The following SGCZ variants were observed in gnomAD, a reference collection of about 807,000 sequenced individuals.
SGCZ encodes zeta-sarcoglycan.
A neutral mutation model predicts 41.3 loss-of-function variants in SGCZ; 40 were observed. That is an observed-to-expected ratio of 0.97 (90% CI 0.75 to 1.26). The LOEUF (loss-of-function observed/expected upper bound fraction) is 1.26, where lower values mean the gene tolerates loss of function less well. Among genes scored for constraint, SGCZ ranks in the 50% most tolerant of loss-of-function variants. The pLI is 0.00. For missense variants in SGCZ, 552 were observed against 369.8 expected (o/e 1.49, Z -4.04); for synonymous variants, 206 against 137.5 (o/e 1.50, Z -3.49).
At chr8:14,953,859 T>C (rs1268629314) in intron 1 of SGCZ, among the ~76,000 whole-genome samples, 2 of 152,208 alleles carry the variant, frequency 1.3e-5, no homozygotes, top group Non-Finnish European at 2.9e-5. Context: ...ATAATTCTTG[T>C]AAACACTCAA....
At chr8:14,916,553 A>G (rs917599468) in intron 1 of SGCZ, among the ~76,000 whole-genome samples, 2 of 152,242 alleles carry the variant, frequency 1.3e-5, no homozygotes, top group African/African-American at 4.8e-5. Flanking sequence ...GCAGTACTCA[A>G]TTGTGAATGA....
At chr8:14,295,273 C>T (rs140445646) in intron 3 of SGCZ, among the ~76,000 whole-genome samples, 1 of 152,274 alleles carries the variant, frequency 6.6e-6, no homozygotes, top group Non-Finnish European at 1.5e-5. Flanking sequence ...AACAAGATTA[C>T]TGATGAATGC....
intron 2 of SGCZ, among the ~76,000 whole-genome samples, chr8:14,405,638 T>A (rs1240539913): frequency 6.6e-6 from 1 of 152,226 alleles, no homozygotes; most frequent in African/African-American, 2.4e-5. Context: ...GATGGAAATG[T>A]TGAAATAATT....
rs142023086 is a variant in SGCZ at position 14,815,798 on chromosome 8, G to A, written c.40-260872C>T. ...CTGATAATATGTGATGTTATCTGTG[G>A]TATTATGGAATAAAACTGATGTTAT... is the stretch of plus-strand genomic sequence containing the variant. On this transcript the variant is annotated intron_variant, in intron 1 of 7. Transcript: ENST00000382080. 3.1e-4 allele frequency among the ~76,000 whole-genome samples: 47 copies of A among 152,262 alleles called. 1 individual carries two copies. The East Asian group carries it at 7.9e-3, about 26-fold the overall frequency.
chr8:14,476,200 T>C (rs1171993602), intron 2 of SGCZ, among the ~76,000 whole-genome samples: 1 of 152,142 alleles, frequency 6.6e-6, no homozygotes, highest in African/African-American at 2.4e-5. Context: ...TATTAGCATT[T>C]GAATCTGTAG....
intron 1 of SGCZ, among the ~76,000 whole-genome samples, chr8:14,624,202 G>A (rs962823225): frequency 6.6e-6 from 1 of 152,086 alleles, no homozygotes; most frequent in African/African-American, 2.4e-5. Context: ...TTCATTAATA[G>A]CTTATCATAT....
Position 14,108,270 on chromosome 8 carries a change from C to T in SGCZ, c.548-35G>A, listed in dbSNP as rs142257579. On this transcript the variant is annotated intron_variant, in intron 5 of 7. Transcript: ENST00000382080. ...GCATGAATATAGCAGTCAGTATAAG[C>T]AAGTCCACACAGTGGCTTTCATCTC... The T allele has an allele frequency of 3.4e-5, 54 of 1,580,726 alleles. No homozygotes were observed. In the African/African-American group the frequency reaches 6.7e-4, roughly 20 times the overall value.
chr8:14,822,257 A>T (rs1242334660), intron 1 of SGCZ, among the ~76,000 whole-genome samples: 1 of 152,182 alleles, frequency 6.6e-6, no homozygotes, highest in Non-Finnish European at 1.5e-5. Flanking sequence ...AAAAAAAATG[A>T]TAGCTAAGAA....
Position 14,860,750 on chromosome 8 carries a change from G to GAAAGAAAGAA in SGCZ, c.40-305825_40-305824insTTCTTTCTTT, listed in dbSNP as rs1563321436. 2.7e-5 allele frequency among the ~76,000 whole-genome samples: 4 copies of GAAAGAAAGAA among 150,130 alleles called. 1 individual carries two copies. Among genetic ancestry groups the GAAAGAAAGAA allele is most frequent in the African/African-American group, 9.8e-5 (4 of 40,856 alleles). ...AGAAAGAAAGAAAGTAAGTAAGTAAGTGAGGGAGGGAGGGAGGGAAGAAAC... is the reference window on the plus strand; with the variant it reads ...AGAAAGAAAGAAAGTAAGTAAGTAAGAAAGAAAGAATGAGGGAGGGAGGGAGGGAAGAAAC... On this transcript the variant is annotated intron_variant, in intron 1 of 7. Coordinates refer to ENST00000382080, the MANE Select transcript of SGCZ (RefSeq NM_139167.4).
chr8:14,311,046 C>A (rs1026922602), intron 3 of SGCZ, among the ~76,000 whole-genome samples: 3 of 152,156 alleles, frequency 2.0e-5, no homozygotes, highest in Non-Finnish European at 4.4e-5. Context: ...CTAGTCACAG[C>A]TTCCTGGACA....
At chr8:14,996,436 C>G (rs1365660335) in intron 1 of SGCZ, among the ~76,000 whole-genome samples, 1 of 152,112 alleles carries the variant, frequency 6.6e-6, no homozygotes, top group East Asian at 1.9e-4. Context: ...GTGTCCCTCC[C>G]TGTCCCCCAG....
At chr8:14,538,544 T>A (rs1318972346) in intron 2 of SGCZ, among the ~76,000 whole-genome samples, 1 of 151,996 alleles carries the variant, frequency 6.6e-6, no homozygotes, top group Non-Finnish European at 1.5e-5. Flanking sequence ...AAAAGTTGTT[T>A]GTGAACCTAA....
At chr8:14,986,533 G>C (rs1374625934) in intron 1 of SGCZ, among the ~76,000 whole-genome samples, 2 of 151,824 alleles carry the variant, frequency 1.3e-5, no homozygotes, top group African/African-American at 2.4e-5. Flanking sequence ...TTTGATCTTA[G>C]GTAAATTATA....
In SGCZ at chr8:14,994,031, G is replaced by A. The variant is rs1251462220; in HGVS notation, c.39+243554C>T. 2.0e-5 allele frequency among the ~76,000 whole-genome samples: 3 copies of A among 152,342 alleles called. No individual in the cohort carries two copies. In the East Asian group the frequency reaches 5.8e-4, roughly 29 times the overall value. On this transcript the variant is annotated intron_variant, in intron 1 of 7. Transcript: ENST00000382080. ...GCTGAGAATACATTGGGGGCTGGAT[G>A]CGAGTCATGGCTGTGGAGGTAATGA...
chr8:14,797,305 G>C (rs1245701424), intron 1 of SGCZ, among the ~76,000 whole-genome samples: 3 of 152,112 alleles, frequency 2.0e-5, no homozygotes, highest in Non-Finnish European at 4.4e-5. Context: ...CCAAAATGCT[G>C]ACAGTGATAT....
intron 1 of SGCZ, among the ~76,000 whole-genome samples, chr8:15,172,491 C>T (rs1320849342): frequency 2.0e-5 from 3 of 152,002 alleles, no homozygotes; most frequent in Non-Finnish European, 2.9e-5. Context: ...AAAGAAAACA[C>T]CCACTAGAGA....
chr8:14,957,536 T>G (rs1043812606), intron 1 of SGCZ, among the ~76,000 whole-genome samples: 8 of 152,070 alleles, frequency 5.3e-5, no homozygotes, highest in Admixed American at 2.0e-4. Flanking sequence ...ACCTGAATTT[T>G]ACAAATCATT....
At chr8:14,128,577 T>C (rs1440510445) in intron 5 of SGCZ, among the ~76,000 whole-genome samples, 1 of 152,130 alleles carries the variant, frequency 6.6e-6, no homozygotes, top group Non-Finnish European at 1.5e-5. Context: ...AGTAAATCAT[T>C]TTATCAAAAA....
intron 7 of SGCZ, among the ~76,000 whole-genome samples, chr8:14,096,075 C>A (rs753766406): frequency 2.0e-5 from 3 of 152,082 alleles, no homozygotes; most frequent in Non-Finnish European, 4.4e-5. Flanking sequence ...TTCCTGTATT[C>A]TTAATTGAAA....
Sources: gnomAD v4.1 joint callset for allele counts (sites outside exome capture counted in the v4.1 genomes callset) on GRCh38, gnomAD v4.1.1 for gene constraint, MANE v1.5 for transcripts, NCBI Gene and HGNC (gene_info 2026-07-23, HGNC 2026-07-21) for gene names.